The following NDUFV2 variants were observed in gnomAD, a reference collection of about 807,000 sequenced individuals.
NDUFV2 encodes NADH dehydrogenase [ubiquinone] flavoprotein 2, mitochondrial.
NDUFV2 carries 18 observed loss-of-function variants against 31.6 expected under a neutral mutation model. The observed-to-expected ratio is 0.57, with a 90% CI of 0.39 to 0.84. NDUFV2 has a LOEUF of 0.84. Ranked by LOEUF, NDUFV2 falls within the 40% of genes least tolerant of loss-of-function variation. The probability of loss-of-function intolerance (pLI) is 0.00; values close to 1 mark genes in which losing one functional copy is unlikely to be tolerated. For synonymous variants in NDUFV2, 83 were observed against 99.8 expected, an observed-to-expected ratio of 0.83 and a Z score of 1.01; for missense variants, 314 against 303.6, an observed-to-expected ratio of 1.03 and a Z score of -0.26.
intron 2 of NDUFV2, among the ~76,000 whole-genome samples, chr18:9,118,856 T>C (rs1455233950): frequency 2.0e-5 from 3 of 150,216 alleles, no homozygotes; most frequent in African/African-American, 7.4e-5. Flanking sequence ...GGTCCTTTTG[T>C]ACCCTCCTAA....
At chr18:9,115,216 A>G (rs985027012) in intron 1 of NDUFV2, among the ~76,000 whole-genome samples, 2 of 152,224 alleles carry the variant, frequency 1.3e-5, no homozygotes, top group Non-Finnish European at 2.9e-5. Context: ...TTTCATTAAC[A>G]TCGTAATAAG....
chr18:9,125,905 T>TA (rs1258699744), intron 6 of NDUFV2, among the ~76,000 whole-genome samples: 1 of 152,146 alleles, frequency 6.6e-6, no homozygotes, highest in Non-Finnish European at 1.5e-5. Context: ...TTTACTCTTA[T>TA]AATGAGGTTA....
chr18:9,110,978 C>G (rs367924276), intron 1 of NDUFV2, among the ~76,000 whole-genome samples: 1 of 152,268 alleles, frequency 6.6e-6, no homozygotes, highest in East Asian at 1.9e-4. Context: ...GATTAAATAA[C>G]TTGCATCTTT....
intron 1 of NDUFV2, chr18:9,117,575 G>A: frequency 2.5e-6 from 1 of 403,848 alleles, no homozygotes; most frequent in South Asian, 3.2e-5. Context: ...GTGGCAGGAA[G>A]GTACACAAGT....
At chr18:9,122,266 A>G (rs1333946871) in intron 4 of NDUFV2, among the ~76,000 whole-genome samples, 2 of 152,310 alleles carry the variant, frequency 1.3e-5, no homozygotes, top group East Asian at 1.9e-4. Flanking sequence ...AGTAGGGTAG[A>G]AGGAGGAAGT....
chr18:9,127,961 C>T (rs977862446), intron 7 of NDUFV2, among the ~76,000 whole-genome samples: 15 of 152,148 alleles, frequency 9.9e-5, no homozygotes, highest in Admixed American at 8.5e-4. Flanking sequence ...AGGTTGCTCC[C>T]GTCCCATACC....
intron 1 of NDUFV2, among the ~76,000 whole-genome samples, chr18:9,106,472 A>G (rs1278813624): frequency 6.6e-6 from 1 of 152,202 alleles, no homozygotes; most frequent in Non-Finnish European, 1.5e-5. Context: ...GAAGTATGCC[A>G]TCTTGTGTGG....
At chr18:9,122,250 G>A (rs139255696) in intron 4 of NDUFV2, among the ~76,000 whole-genome samples, 1 of 152,262 alleles carries the variant, frequency 6.6e-6, no homozygotes, top group African/African-American at 2.4e-5. Flanking sequence ...TTTTACAGAG[G>A]TGAGAAGTAG....
At position 9,102,760 on chromosome 18, in the gene NDUFV2, C is replaced by G. The variant is rs559485096; in HGVS notation, c.17C>G (p.Ala6Gly). 1.2e-4 allele frequency: 198 copies of G among 1,587,486 alleles called. No homozygotes were observed. In the African/African-American group the frequency reaches 2.0e-3, roughly 16 times the overall value. The change falls in exon 1 of 8, where the codon GCG becomes GGG. Residue 6 changes from alanine to glycine, a missense_variant. Coordinates refer to ENST00000318388, the MANE Select transcript of NDUFV2 (RefSeq NM_021074.5). MFFSA[A>G]LRARAAGLTA... ...TGGCCCGCCATGTTCTTCTCCGCGG[C>G]GCTCCGGGCCCGGGCGGCTGGCCTC...
chr18:9,120,301 T>C (rs575729976), intron 4 of NDUFV2, among the ~76,000 whole-genome samples: 9 of 152,330 alleles, frequency 5.9e-5, no homozygotes, highest in South Asian at 2.1e-4. Flanking sequence ...AGCTGTGTTA[T>C]ATAATGGAAA....
chr18:9,116,897 G>A (rs112558781), intron 1 of NDUFV2, among the ~76,000 whole-genome samples: 6 of 152,282 alleles, frequency 3.9e-5, no homozygotes, highest in African/African-American at 1.4e-4. Flanking sequence ...AATACTTGGG[G>A]GCGGGGGACA....
intron 1 of NDUFV2, 158 bp downstream of exon 1, chr18:9,102,955 GC>G: frequency 1.5e-6 from 1 of 660,842 alleles, no homozygotes; most frequent in Non-Finnish European, 2.4e-6. Context: ...GGCCGCTGCA[GC>G]CCCACCGTGA....
chr18:9,129,254 G>A (rs1032395748), intron 7 of NDUFV2, among the ~76,000 whole-genome samples: 1 of 152,090 alleles, frequency 6.6e-6, no homozygotes, highest in Admixed American at 6.6e-5. Context: ...TTGGCGTTTA[G>A]AATCTTCTGC....
chr18:9,120,596 T>A (rs2077927827), intron 4 of NDUFV2, among the ~76,000 whole-genome samples: 1 of 152,222 alleles, frequency 6.6e-6, no homozygotes. Flanking sequence ...ATTTATCTAA[T>A]AGAATCCTAA....
chr18:9,127,197 C>G (rs1005514742), intron 7 of NDUFV2, among the ~76,000 whole-genome samples: 4 of 152,184 alleles, frequency 2.6e-5, no homozygotes, highest in African/African-American at 4.8e-5. Flanking sequence ...AAGACCATCT[C>G]CCTCTAATTT....
intron 1 of NDUFV2, chr18:9,103,283 G>A (rs1448708122): frequency 5.0e-6 from 2 of 396,966 alleles, no homozygotes; most frequent in Middle Eastern, 6.2e-4. Flanking sequence ...TTGATTTACT[G>A]CAGTTGTGCT....
At chr18:9,109,004 T>A (rs762798017) in intron 1 of NDUFV2, among the ~76,000 whole-genome samples, 33 of 152,192 alleles carry the variant, frequency 2.2e-4, no homozygotes, top group Admixed American at 3.3e-4. Flanking sequence ...GGATTTTTTT[T>A]AAATGTAAAA....
chr18:9,113,853 C>T (rs1322323575), intron 1 of NDUFV2, among the ~76,000 whole-genome samples: 3 of 152,122 alleles, frequency 2.0e-5, no homozygotes, highest in South Asian at 2.1e-4. Flanking sequence ...TTGGGGAGCT[C>T]GGTTGTTGGA....
intron 5 of NDUFV2, among the ~76,000 whole-genome samples, chr18:9,124,446 A>G (rs1598349301): frequency 8.0e-6 from 1 of 125,660 alleles, no homozygotes; most frequent in Non-Finnish European, 1.7e-5. Context: ...TTTTTAAAAA[A>G]CTTTTTTTTT....
Sources: gnomAD v4.1 joint callset for allele counts (sites outside exome capture counted in the v4.1 genomes callset) on GRCh38, gnomAD v4.1.1 for gene constraint, MANE v1.5 for transcripts, NCBI Gene and HGNC (gene_info 2026-07-23, HGNC 2026-07-21) for gene names.